The following CRIM1 variants were observed in gnomAD, a reference collection of about 807,000 sequenced individuals.
CRIM1 encodes cysteine-rich motor neuron 1 protein.
Under a neutral mutation model 116.4 loss-of-function variants are expected in CRIM1, and 32 were observed. The observed-to-expected ratio is 0.27, with a 90% CI of 0.21 to 0.37. The LOEUF (loss-of-function observed/expected upper bound fraction) is 0.37. Among genes scored for constraint, CRIM1 ranks in the 10% least tolerant of loss-of-function variants. The pLI, the probability that CRIM1 is intolerant of heterozygous loss-of-function variation, is 1.00. For synonymous variants in CRIM1, 590 were observed against 509.2 expected (o/e 1.16, Z -2.13); for missense variants, 1,331 against 1,354.8 (o/e 0.98, Z 0.28).
intron 2 of CRIM1, among the ~76,000 whole-genome samples, chr2:36,438,787 A>G (rs1274805816): frequency 6.6e-6 from 1 of 152,186 alleles, no homozygotes; most frequent in Admixed American, 6.5e-5. Context: ...GATTCCTGAG[A>G]CAGGAGTCAT....
At chr2:36,528,343 C>G (rs560745676) in intron 13 of CRIM1, among the ~76,000 whole-genome samples, 22 of 152,238 alleles carry the variant, frequency 1.4e-4, no homozygotes, top group South Asian at 1.0e-3. Flanking sequence ...AAGCCCATGT[C>G]ACTTTGGTCA....
At chr2:36,410,806 T>C (rs1278047310) in intron 2 of CRIM1, among the ~76,000 whole-genome samples, 2 of 152,188 alleles carry the variant, frequency 1.3e-5, no homozygotes, top group African/African-American at 2.4e-5. Context: ...TTTGCAACAG[T>C]GTACATGAAA....
At chr2:36,440,656 T>C (rs1216453291) in intron 2 of CRIM1, among the ~76,000 whole-genome samples, 1 of 152,206 alleles carries the variant, frequency 6.6e-6, no homozygotes, top group African/African-American at 2.4e-5. Context: ...CTGCTAGAAA[T>C]AGAAGCACAT....
chr2:36,434,235 A>G (rs1000001620), intron 2 of CRIM1, among the ~76,000 whole-genome samples: 1 of 152,244 alleles, frequency 6.6e-6, no homozygotes, highest in Non-Finnish European at 1.5e-5. Flanking sequence ...CTTTTATCAC[A>G]TGATATCTCT....
chr2:36,533,819 T>A (rs1666285422), intron 13 of CRIM1, among the ~76,000 whole-genome samples: 1 of 152,188 alleles, frequency 6.6e-6, no homozygotes, highest in African/African-American at 2.4e-5. Context: ...CATAGGTCAG[T>A]ATCATTCAGA....
chr2:36,460,993 A>G (rs1050303833), intron 4 of CRIM1, among the ~76,000 whole-genome samples: 4 of 152,252 alleles, frequency 2.6e-5, no homozygotes, highest in Admixed American at 2.6e-4. Context: ...AGAAAAGAGC[A>G]TGACCGTAGC....
At chr2:36,369,776 T>G (rs1330588125) in intron 1 of CRIM1, among the ~76,000 whole-genome samples, 1 of 152,202 alleles carries the variant, frequency 6.6e-6, no homozygotes, top group Non-Finnish European at 1.5e-5. Context: ...AGTGAACTAT[T>G]TCTGTAGCAT....
intron 1 of CRIM1, among the ~76,000 whole-genome samples, chr2:36,388,726 T>A (rs887415382): frequency 9.2e-5 from 14 of 151,752 alleles, no homozygotes; most frequent in African/African-American, 3.4e-4. Context: ...AGGAGAGTTG[T>A]GTCCCGTAGC....
rs895791859 is a variant in CRIM1 at position 36,356,178 on chromosome 2, G to C, written c.-115G>C. The C allele has an allele frequency of 4.0e-5, 13 of 321,048 alleles. No individual in the cohort carries two copies. The highest frequency in any genetic ancestry group is 6.0e-5 in the Non-Finnish European group (12 of 200,820). The allele number at this position is 321,048 out of a possible 1,614,324, so 19.9% of individuals were successfully genotyped here. On this transcript the variant is annotated 5_prime_UTR_variant, in exon 1 of 17. Coordinates refer to ENST00000280527, the MANE Select transcript of CRIM1 (RefSeq NM_016441.3). The surrounding 1 kb of genome is among the most constrained non-coding windows in gnomAD (Gnocchi z 4.3). ...CGCCCCGGGGGCCCCGAGAGGGGCG[G>C]TGAGGACCGCGGGCTGCTGGTGCGG...
At chr2:36,526,346 A>G (rs1665757220) in intron 13 of CRIM1, among the ~76,000 whole-genome samples, 1 of 152,174 alleles carries the variant, frequency 6.6e-6, no homozygotes, top group African/African-American at 2.4e-5. Flanking sequence ...GATGGGTGAA[A>G]AGAGATTTCA....
At chr2:36,479,434 G>T in intron 6 of CRIM1, 63 bp from the exon 7 acceptor site, 1 of 1,514,974 alleles carries the variant, frequency 6.6e-7, no homozygotes, top group Non-Finnish European at 9.1e-7. Context: ...ATGTCTCTGG[G>T]TACTGACAGA....
chr2:36,442,770 C>CA, intron 4 of CRIM1, 35 bp downstream of exon 4: 1 of 1,612,952 alleles, frequency 6.2e-7, no homozygotes, highest in Non-Finnish European at 8.5e-7. Context: ...GTTTTCTCCT[C>CA]ATTTGTTAGC....
chr2:36,517,258 G>C (rs760682689), intron 11 of CRIM1, 69 bp from the exon 12 acceptor site: 43 of 1,273,092 alleles, frequency 3.4e-5, no homozygotes, highest in Non-Finnish European at 4.9e-5. Context: ...AAAGCAAACA[G>C]CACCAGGCTT....
chr2:36,363,855 G>A (rs1035558874), intron 1 of CRIM1, among the ~76,000 whole-genome samples: 2 of 152,124 alleles, frequency 1.3e-5, no homozygotes, highest in African/African-American at 2.4e-5. Flanking sequence ...ACGCCATGGG[G>A]GCTATGGTTC....
chr2:36,479,714 A>G lies in CRIM1; in HGVS notation c.1372+20A>G, dbSNP rs1679259297. On this transcript the variant is annotated intron_variant, in intron 7 of 16. Coordinates refer to ENST00000280527, the MANE Select transcript of CRIM1 (RefSeq NM_016441.3). ...GCGAAGGTAAATCTTGCAGATGCTAATGAGTCCCTGGTGAATGTCTTCTGT... is the reference window on the plus strand; with the variant it reads ...GCGAAGGTAAATCTTGCAGATGCTAGTGAGTCCCTGGTGAATGTCTTCTGT... The G allele has an allele frequency of 2.5e-6, 4 of 1,608,994 alleles. No homozygotes were observed. In the East Asian group the frequency reaches 8.9e-5, roughly 36 times the overall value.
intron 5 of CRIM1, among the ~76,000 whole-genome samples, chr2:36,473,105 A>G (rs1678664422): frequency 6.6e-6 from 1 of 152,126 alleles, no homozygotes; most frequent in Non-Finnish European, 1.5e-5. Context: ...TACTAATAAT[A>G]CTCGTTCTGT....
At chr2:36,436,314 G>C (rs1275246955) in intron 2 of CRIM1, among the ~76,000 whole-genome samples, 1 of 152,108 alleles carries the variant, frequency 6.6e-6, no homozygotes, top group Non-Finnish European at 1.5e-5. Context: ...AGGGATTCTA[G>C]ATAATTTATT....
chr2:36,539,151 G>C (rs1357798346), intron 14 of CRIM1, among the ~76,000 whole-genome samples: 2 of 152,194 alleles, frequency 1.3e-5, no homozygotes, highest in African/African-American at 4.8e-5. Context: ...AGGCTGGGGA[G>C]AAGTGGGGCA....
At chr2:36,366,596 C>T (rs749891699) in intron 1 of CRIM1, among the ~76,000 whole-genome samples, 1 of 151,932 alleles carries the variant, frequency 6.6e-6, no homozygotes, top group Non-Finnish European at 1.5e-5. Context: ...GAAACTATGC[C>T]TGTCTTATTT....
Sources: allele counts gnomAD v4.1 joint callset (sites outside exome capture counted in the v4.1 genomes callset), GRCh38; gene constraint gnomAD v4.1.1; non-coding constraint Gnocchi (gnomAD v3.1); transcripts MANE v1.5; gene names NCBI Gene and HGNC (gene_info 2026-07-23, HGNC 2026-07-21).